DHRSX: variants seen among roughly 807,000 people sequenced by gnomAD.
The protein encoded by DHRSX is polyprenol dehydrogenase.
In DHRSX, 31 loss-of-function variants were observed where a neutral mutation model predicts 34.0. The ratio of observed to expected loss-of-function variants is 0.91; its 90% CI spans 0.69 to 1.23. The LOEUF (loss-of-function observed/expected upper bound fraction) is 1.23. DHRSX is among the 50% of genes most tolerant of loss of function. The probability of loss-of-function intolerance (pLI) is 0.00; values close to 1 mark genes in which losing one functional copy is unlikely to be tolerated. For synonymous variants in DHRSX, 201 were observed against 183.8 expected, an observed-to-expected ratio of 1.09 and a Z score of -0.76; for missense variants, 414 against 428.1, an observed-to-expected ratio of 0.97 and a Z score of 0.29.
chrX:2,315,282 G>A (rs2042229153), intron 3 of DHRSX, among the ~76,000 whole-genome samples: 1 of 152,092 alleles, frequency 6.6e-6, no homozygotes, highest in African/African-American at 2.4e-5. Context: ...TTTGACCTAA[G>A]TGCACCAGGC....
intron 1 of DHRSX, among the ~76,000 whole-genome samples, chrX:2,449,312 G>A (rs1044156399): frequency 4.6e-5 from 7 of 152,092 alleles, no homozygotes; most frequent in African/African-American, 1.7e-4. Flanking sequence ...GGCCGGGCCT[G>A]CTCAGGAGGG....
chrX:2,259,371 T>G (rs865954232), intron 5 of DHRSX, among the ~76,000 whole-genome samples: 2 of 78,968 alleles, frequency 2.5e-5, no homozygotes, highest in Admixed American at 2.3e-4. Flanking sequence ...TATAGATATA[T>G]ATAGATATAT....
At chrX:2,252,107 A>G (rs1302644257) in intron 5 of DHRSX, among the ~76,000 whole-genome samples, 1 of 152,028 alleles carries the variant, frequency 6.6e-6, no homozygotes, top group African/African-American at 2.4e-5. Context: ...GCGTGGTGGC[A>G]GGTGCCTGTA....
intron 3 of DHRSX, among the ~76,000 whole-genome samples, chrX:2,322,555 C>CAAAAAAAAAAAAA (rs752649879): frequency 8.9e-5 from 11 of 123,196 alleles, no homozygotes; most frequent in African/African-American, 2.4e-4. Context: ...AACTCCATCT[C>CAAAAAAAAAAAAA]AAAAAAAAAA....
At chrX:2,332,459 A>G (rs1164294163) in intron 3 of DHRSX, among the ~76,000 whole-genome samples, 1 of 152,194 alleles carries the variant, frequency 6.6e-6, no homozygotes, top group Non-Finnish European at 1.5e-5. Flanking sequence ...ACAGTATGTG[A>G]GCATTAGCTG....
intron 1 of DHRSX, among the ~76,000 whole-genome samples, chrX:2,466,310 C>T (rs1295101552): frequency 3.9e-5 from 6 of 152,066 alleles, no homozygotes; most frequent in Admixed American, 1.3e-4. Context: ...TGGTGGTATG[C>T]GCCTGTAATC....
chrX:2,458,271 C>T (rs779544416), intron 1 of DHRSX, among the ~76,000 whole-genome samples: 8 of 152,140 alleles, frequency 5.3e-5, no homozygotes, highest in Non-Finnish European at 8.8e-5. Context: ...AAGGTCCAGC[C>T]ATTGGCCTGC....
intron 1 of DHRSX, chrX:2,489,142 C>T: frequency 6.2e-7 from 1 of 1,613,604 alleles, no homozygotes; most frequent in Non-Finnish European, 8.5e-7. Context: ...TGACGGGAGG[C>T]TCCTCGGGCA....
intron 6 of DHRSX, among the ~76,000 whole-genome samples, chrX:2,230,919 C>A (rs1380793430): frequency 6.6e-6 from 1 of 152,054 alleles, no homozygotes; most frequent in Non-Finnish European, 1.5e-5. Flanking sequence ...TTGAGAACTG[C>A]GACTAATACA....
chrX:2,358,362 C>T (rs35390445), intron 3 of DHRSX, among the ~76,000 whole-genome samples: 21,320 of 152,148 alleles, frequency 0.14, 1,943 homozygotes, highest in Non-Finnish European at 0.2. Flanking sequence ...CCCTTTGCCA[C>T]GTCAGGCAAA....
chrX:2,452,672 CTAA>C (rs2044241190), intron 1 of DHRSX, among the ~76,000 whole-genome samples: 1 of 152,020 alleles, frequency 6.6e-6, no homozygotes, highest in Non-Finnish European at 1.5e-5. Flanking sequence ...AAGACATTCC[CTAA>C]TAATGTGGCT....
intron 3 of DHRSX, among the ~76,000 whole-genome samples, chrX:2,314,227 A>G (rs1344770447): frequency 9.1e-4 from 8 of 8,820 alleles, no homozygotes; most frequent in Non-Finnish European, 1.5e-3. Context: ...GGAGGGAAGG[A>G]AGGGAGGGAG....
At chrX:2,249,541 T>TTTTTTTTTTTTG (rs2016386299) in intron 5 of DHRSX, among the ~76,000 whole-genome samples, 1 of 128,118 alleles carries the variant, frequency 7.8e-6, no homozygotes, top group African/African-American at 3.8e-5. Context: ...TTTTTTTTTT[T>TTTTTTTTTTTTG]GAGACAGAGT....
intron 4 of DHRSX, among the ~76,000 whole-genome samples, chrX:2,275,516 A>G (rs908735507): frequency 3.0e-4 from 2 of 6,600 alleles, no homozygotes; most frequent in African/African-American, 1.4e-3. Flanking sequence ...TTTCAAAACA[A>G]AAAAAAAAAA....
intron 3 of DHRSX, among the ~76,000 whole-genome samples, chrX:2,292,940 T>A (rs1378761484): frequency 6.6e-6 from 1 of 152,090 alleles, no homozygotes; most frequent in Non-Finnish European, 1.5e-5. Flanking sequence ...AAGAAAGCAT[T>A]TTATTTTTTA....
At chrX:2,473,394 C>A (rs146532936) in intron 1 of DHRSX, among the ~76,000 whole-genome samples, 30,915 of 151,472 alleles carry the variant, frequency 0.2, 4,224 homozygotes, top group African/African-American at 0.39. Flanking sequence ...GAGGCCGAGG[C>A]GGATGGATCA....
intron 1 of DHRSX, chrX:2,500,343 C>A: frequency 5.4e-6 from 1 of 184,074 alleles, no homozygotes; most frequent in Non-Finnish European, 1.2e-5. Flanking sequence ...GTCCCTGGGA[C>A]GCCCGCTCCT....
intron 3 of DHRSX, among the ~76,000 whole-genome samples, chrX:2,293,585 C>T (rs2041892912): frequency 6.6e-6 from 1 of 152,032 alleles, no homozygotes. Flanking sequence ...AAGAGCAAAT[C>T]ACAGCATGTG....
At chrX:2,476,275 G>A (rs1282224526) in intron 1 of DHRSX, among the ~76,000 whole-genome samples, 1 of 152,034 alleles carries the variant, frequency 6.6e-6, no homozygotes, top group African/African-American at 2.4e-5. Flanking sequence ...GCAGATGCCT[G>A]TAATCCCAGC....
Sources: gnomAD v4.1 joint callset for allele counts (sites outside exome capture counted in the v4.1 genomes callset) on GRCh38, gnomAD v4.1.1 for gene constraint, MANE v1.5 for transcripts, NCBI Gene and HGNC (gene_info 2026-07-23, HGNC 2026-07-21) for gene names.